Variants in CDKL3 observed in about 807,000 individuals in gnomAD.
CDKL3 encodes the protein cyclin dependent kinase like 3.
In CDKL3, 65 loss-of-function variants were observed where a neutral mutation model predicts 69.3. The observed-to-expected ratio is 0.94, with a 90% CI of 0.77 to 1.15. The LOEUF is 1.15. Ranked by LOEUF, CDKL3 falls within the 50% of genes most tolerant of loss-of-function variation. CDKL3 has a pLI of 0.00. For synonymous variants in CDKL3, 202 were observed against 221.6 expected (o/e 0.91, Z 0.79); for missense variants, 652 against 689.2 (o/e 0.95, Z 0.61).
intron 8 of CDKL3, among the ~76,000 whole-genome samples, chr5:134,288,964 C>A (rs1490125882): frequency 1.4e-5 from 2 of 148,144 alleles, no homozygotes; most frequent in Non-Finnish European, 3.0e-5. Context: ...TTTTAAAGAA[C>A]CAGCCTGGCC....
At chr5:134,359,781 CTA>C (rs1309966649) in intron 3 of CDKL3, 114 bp downstream of exon 3, 3 of 751,954 alleles carry the variant, frequency 4.0e-6, no homozygotes, top group Non-Finnish European at 6.3e-6. Context: ...TTCAGGATGT[CTA>C]TTATTATTGT....
In CDKL3 at chr5:134,308,206, G is replaced by A. The variant is rs759410958; in HGVS notation, c.1296C>T (p.Pro432=). 1 of 1,613,874 alleles carries A rather than the reference G, an allele frequency of 6.2e-7. No homozygotes were observed. The highest frequency in any genetic ancestry group is 8.5e-7 in the Non-Finnish European group (1 of 1,179,842). Residue 432 remains proline, a synonymous_variant, in exon 9 of 13, where the codon CCC becomes CCT. Coordinates refer to ENST00000265334, the MANE Select transcript of CDKL3 (RefSeq NM_001113575.2). ...PHCGGSVTMP[P]INLTNSNLMA... is the part of the protein sequence containing the mutation. ...TCAAATTACTGTTAGTTAGATTGAT[G>A]GGTGGCATTGTCACAGAACCTCCGC...
downstream of CDKL3, among the ~76,000 whole-genome samples, chr5:134,284,212 G>A (rs1321891152): frequency 6.6e-6 from 1 of 152,180 alleles, no homozygotes; most frequent in African/African-American, 2.4e-5. Context: ...TTTTCCCTAA[G>A]TGTTGGTCTG....
At chr5:134,332,765 T>C (rs1413131619) in intron 4 of CDKL3, among the ~76,000 whole-genome samples, 1 of 152,248 alleles carries the variant, frequency 6.6e-6, no homozygotes, top group Non-Finnish European at 1.5e-5. Context: ...TAGGATTGTC[T>C]TGGCTATGCG....
intron 12 of CDKL3, among the ~76,000 whole-genome samples, chr5:134,299,983 C>T (rs1765925103): frequency 6.6e-6 from 1 of 152,172 alleles, no homozygotes; most frequent in Non-Finnish European, 1.5e-5. Flanking sequence ...AATTTAGTCT[C>T]TCTCTGGTTA....
intron 3 of CDKL3, among the ~76,000 whole-genome samples, chr5:134,359,127 T>C (rs915750978): frequency 2.0e-5 from 3 of 151,752 alleles, no homozygotes; most frequent in Non-Finnish European, 4.4e-5. Flanking sequence ...CTCTACAAAA[T>C]ATTGGCCAGG....
At chr5:134,295,873 G>A (rs1765323451), downstream of CDKL3, among the ~76,000 whole-genome samples, 1 of 152,006 alleles carries the variant, frequency 6.6e-6, no homozygotes, top group African/African-American at 2.4e-5. Flanking sequence ...ATGGAACTAG[G>A]AAACTAGAAG....
intron 10 of CDKL3, 105 bp from the exon 11 acceptor site, chr5:134,304,672 ATTAAT>A: frequency 1.3e-6 from 1 of 759,040 alleles, no homozygotes; most frequent in Non-Finnish European, 2.0e-6. Context: ...AGACATAACA[ATTAAT>A]TTAATAATTA....
intron 9 of CDKL3, among the ~76,000 whole-genome samples, chr5:134,307,200 G>C (rs1768122975): frequency 6.6e-6 from 1 of 152,160 alleles, no homozygotes; most frequent in South Asian, 2.1e-4. Context: ...AGAACAATTA[G>C]TGCATGTTTA....
intron 4 of CDKL3, among the ~76,000 whole-genome samples, chr5:134,343,869 T>G (rs927408535): frequency 6.6e-6 from 1 of 152,202 alleles, no homozygotes; most frequent in Non-Finnish European, 1.5e-5. Flanking sequence ...TGAGTAATAA[T>G]AAAACTCCAG....
rs369432863 is a variant in CDKL3, at chr5:134,366,382, T to C, written c.142A>G (p.Met48Val). 1.6e-4 allele frequency: 248 copies of C among 1,581,456 alleles called. No homozygotes were observed. Among genetic ancestry groups the C allele is most frequent in the Admixed American group, 7.1e-4 (37 of 52,164 alleles). The change falls in exon 2 of 13, where the codon ATG becomes GTG. Residue 48 changes from methionine (M) to valine (V), a missense_variant. Transcript: ENST00000265334. ...ACCTTTAGAAACTTTATTTCTCTCA[T>C]CGCAATTTTGTTGACAGATTGTTCT... ...RPEQSVNKIA[M>V]REIKFLKQFH...
chr5:134,308,490 T>C, intron 8 of CDKL3, 24 bp from the exon 9 acceptor site: 1 of 1,571,786 alleles, frequency 6.4e-7, no homozygotes, highest in Non-Finnish European at 8.6e-7. Context: ...ATCCAAAATC[T>C]GAGTCATCAT....
chr5:134,331,060 T>C (rs1173876321), intron 4 of CDKL3, among the ~76,000 whole-genome samples: 1 of 152,240 alleles, frequency 6.6e-6, no homozygotes, highest in African/African-American at 2.4e-5. Flanking sequence ...TGCAACGGTT[T>C]TGGCATCCAT....
At chr5:134,321,731 G>T in intron 5 of CDKL3, 60 bp downstream of exon 5, 1 of 907,042 alleles carries the variant, frequency 1.1e-6, no homozygotes, top group South Asian at 1.5e-5. Flanking sequence ...AAATCAAGCA[G>T]AATTGATCTG....
chr5:134,348,371 G>A (rs917789206), intron 4 of CDKL3, among the ~76,000 whole-genome samples: 7 of 152,186 alleles, frequency 4.6e-5, no homozygotes, highest in Admixed American at 6.5e-5. Context: ...AGGTGGTGGA[G>A]CTATCCATTT....
At chr5:134,320,908 C>T (rs1772569295) in intron 5 of CDKL3, among the ~76,000 whole-genome samples, 1 of 151,094 alleles carries the variant, frequency 6.6e-6, no homozygotes, top group Non-Finnish European at 1.5e-5. Context: ...ATTTAAAAAA[C>T]CCACAAATCT....
At chr5:134,293,989 G>A (rs1765239439), downstream of CDKL3, among the ~76,000 whole-genome samples, 1 of 151,936 alleles carries the variant, frequency 6.6e-6, no homozygotes, top group South Asian at 2.1e-4. Flanking sequence ...GCACATGGCT[G>A]CAGTGACTAC....
chr5:134,341,047 A>G (rs1750354995), intron 4 of CDKL3, among the ~76,000 whole-genome samples: 1 of 152,226 alleles, frequency 6.6e-6, no homozygotes, highest in Non-Finnish European at 1.5e-5. Flanking sequence ...AAAAACCAAT[A>G]AATGTAATAT....
In CDKL3 at chr5:134,308,234, T is replaced by C. The variant is rs780786022; in HGVS notation, c.1268A>G (p.His423Arg). ...TNCNGLKENP[H>R]CGGSVTMPPI... ...TGGCATTGTCACAGAACCTCCGCAA[T>C]GTGGATTTTCTTTCAAGCCATTACA... Residue 423 changes from histidine (H) to arginine (R), a missense_variant, in exon 9 of 13, where the codon CAT (histidine) becomes CGT (arginine). Transcript: ENST00000265334. The C allele has an allele frequency of 5.6e-6, 9 of 1,613,830 alleles. No homozygotes were observed. In the African/African-American group the frequency reaches 1.2e-4, roughly 22 times the overall value.
Sources: allele counts gnomAD v4.1 joint callset (sites outside exome capture counted in the v4.1 genomes callset), GRCh38; gene constraint gnomAD v4.1.1; transcripts MANE v1.5; gene names NCBI Gene and HGNC (gene_info 2026-07-23, HGNC 2026-07-21).